Variants in TRIP4 observed in about 807,000 individuals in gnomAD.
TRIP4 encodes the protein activating signal cointegrator 1.
In TRIP4, 54 loss-of-function variants were observed where a neutral mutation model predicts 81.8. The ratio of observed to expected loss-of-function variants is 0.66; its 90% CI spans 0.53 to 0.83. The LOEUF (loss-of-function observed/expected upper bound fraction) is 0.83. Ranked by LOEUF, TRIP4 falls within the 40% of genes least tolerant of loss-of-function variation. TRIP4 has a pLI of 0.00. For missense variants in TRIP4, 662 were observed against 683.6 expected (o/e 0.97, Z 0.35); for synonymous variants, 270 against 242.8 (o/e 1.11, Z -1.04).
chr15:64,453,618 A>G (rs1044201695), intron 12 of TRIP4, among the ~76,000 whole-genome samples: 7 of 152,230 alleles, frequency 4.6e-5, no homozygotes, highest in Admixed American at 2.0e-4. Flanking sequence ...ATTAAAATCA[A>G]CAGCATTGTG....
chr15:64,418,747 C>A lies in TRIP4; in HGVS notation c.1358+19C>A. The A allele has an allele frequency of 1.9e-6, 3 of 1,592,112 alleles. No homozygotes were observed. Among genetic ancestry groups the A allele is most frequent in the Non-Finnish European group, 2.6e-6 (3 of 1,170,598 alleles). ...TTAAAAGGTAAGAATAAAAATGAATCTGGGCAGTGGAAGATCTTAGAGTGA... is the reference window on the plus strand; with the variant it reads ...TTAAAAGGTAAGAATAAAAATGAATATGGGCAGTGGAAGATCTTAGAGTGA... On this transcript the variant is annotated intron_variant, in intron 9 of 12. Transcript: ENST00000261884.
chr15:64,400,327 C>G (rs1891465234), intron 4 of TRIP4, among the ~76,000 whole-genome samples: 1 of 150,330 alleles, frequency 6.7e-6, no homozygotes, highest in African/African-American at 2.4e-5. Flanking sequence ...CACACACCAC[C>G]ACGCCAGGCT....
intron 11 of TRIP4, among the ~76,000 whole-genome samples, chr15:64,438,510 G>A (rs970042858): frequency 6.6e-6 from 1 of 152,102 alleles, no homozygotes; most frequent in South Asian, 2.1e-4. Context: ...GTAGAGACAG[G>A]GTTTCTCCAT....
rs1398484527 is a variant in TRIP4, at chr15:64,409,821, C to A, written c.1036C>A (p.His346Asn). Reference protein sequence around the residue: ...LEEENSLAEYHSRLDETIQAI... With the variant: ...LEEENSLAEYNSRLDETIQAI... ...AGAAGAAAATTCACTAGCAGAGTAT[C>A]ATAGCAGGTAAGTGAGCAGCACTAG... Residue 346 changes from histidine to asparagine, a missense_variant, in exon 7 of 13, where the codon CAT becomes AAT. Transcript: ENST00000261884. The A allele has an allele frequency of 6.2e-7, 1 of 1,613,788 alleles. No individual in the cohort carries two copies. The highest frequency in any genetic ancestry group is 8.5e-7 in the Non-Finnish European group (1 of 1,179,952).
At chr15:64,452,997 C>T (rs574580932) in intron 12 of TRIP4, among the ~76,000 whole-genome samples, 2 of 151,996 alleles carry the variant, frequency 1.3e-5, no homozygotes, top group Non-Finnish European at 2.9e-5. Context: ...CCAACTTGGC[C>T]AACGTGGTGA....
At chr15:64,447,436 A>G (rs1460723027) in intron 12 of TRIP4, among the ~76,000 whole-genome samples, 1 of 152,228 alleles carries the variant, frequency 6.6e-6, no homozygotes, top group Non-Finnish European at 1.5e-5. Context: ...AGGTTCCTCA[A>G]TCCTGCTCTC....
At chr15:64,397,543 C>A in intron 3 of TRIP4, 63 bp from the exon 4 acceptor site, 1 of 1,541,478 alleles carries the variant, frequency 6.5e-7, no homozygotes, top group Admixed American at 1.8e-5. Flanking sequence ...GGAGCATTTT[C>A]TCCCTTGACT....
chr15:64,442,578 C>A (rs1213615445), intron 11 of TRIP4, among the ~76,000 whole-genome samples: 1 of 150,808 alleles, frequency 6.6e-6, no homozygotes, highest in African/African-American at 2.4e-5. Flanking sequence ...AGCCACCGCA[C>A]CTAGCCAGAG....
At chr15:64,429,793 C>T (rs1360183933) in intron 11 of TRIP4, among the ~76,000 whole-genome samples, 1 of 152,154 alleles carries the variant, frequency 6.6e-6, no homozygotes, top group Non-Finnish European at 1.5e-5. Flanking sequence ...GCCTTCCCTT[C>T]AGTATCTCCA....
chr15:64,451,776 CTT>C (rs1035021787), intron 12 of TRIP4, among the ~76,000 whole-genome samples: 1 of 151,154 alleles, frequency 6.6e-6, no homozygotes, highest in African/African-American at 2.4e-5. Context: ...GCCTCAGCCT[CTT>C]GAGTAGCTGG....
Position 64,422,499 on chromosome 15 carries a change from G to T in TRIP4, c.1359-1532G>T, listed in dbSNP as rs561943517. On this transcript the variant is annotated intron_variant, in intron 9 of 12. Transcript: ENST00000261884. Reference sequence around the variant, plus strand: ...GGTTTCCTTGCTTTGGCTCCTAATTGTTTCATAGTTCATGTCTGTAAACGC... The same window carrying T: ...GGTTTCCTTGCTTTGGCTCCTAATTTTTTCATAGTTCATGTCTGTAAACGC... Among the ~76,000 whole-genome samples the T allele has an allele frequency of 2.6e-5, 4 of 152,228 alleles. No individual in the cohort carries two copies. The South Asian group carries it at 6.2e-4, about 24-fold the overall frequency.
chr15:64,435,303 C>T (rs749213349), intron 11 of TRIP4, among the ~76,000 whole-genome samples: 7 of 149,204 alleles, frequency 4.7e-5, no homozygotes, highest in Admixed American at 1.3e-4. Context: ...GGGCAGATCA[C>T]GAGGTCAGGA....
At chr15:64,439,864 C>G (rs753422722) in intron 11 of TRIP4, among the ~76,000 whole-genome samples, 79 of 151,774 alleles carry the variant, frequency 5.2e-4, no homozygotes, top group Non-Finnish European at 8.5e-4. Flanking sequence ...ATAAGATTTA[C>G]AGATCATCTG....
chr15:64,412,649 A>ATTATG (rs1424256634), intron 7 of TRIP4, among the ~76,000 whole-genome samples: 1 of 151,204 alleles, frequency 6.6e-6, no homozygotes, highest in Non-Finnish European at 1.5e-5. Flanking sequence ...ACAAACATAT[A>ATTATG]TTGAATTGAA....
chr15:64,393,788 G>A, intron 1 of TRIP4, 158 bp from the exon 2 acceptor site: 1 of 561,782 alleles, frequency 1.8e-6, no homozygotes, highest in Non-Finnish European at 2.8e-6. Flanking sequence ...TACCAGTTAG[G>A]ATCGTATCGT....
In TRIP4 at chr15:64,419,745, G is replaced by A. The variant is rs748312405; in HGVS notation, c.1358+1017G>A. 1.3e-4 allele frequency among the ~76,000 whole-genome samples: 20 copies of A among 152,288 alleles called. 1 individual carries two copies. The highest frequency in any genetic ancestry group is 3.4e-3 in the Middle Eastern group (1 of 294). ...ATGGAAAACTGTAAAGCACAGAAAAGTAGCTAGAAAAAGAAAGATTACCTA... is the reference window on the plus strand; with the variant it reads ...ATGGAAAACTGTAAAGCACAGAAAAATAGCTAGAAAAAGAAAGATTACCTA... On this transcript the variant is annotated intron_variant, in intron 9 of 12. Transcript: ENST00000261884.
chr15:64,450,313 C>T (rs1039484315), intron 12 of TRIP4, among the ~76,000 whole-genome samples: 3 of 145,502 alleles, frequency 2.1e-5, no homozygotes, highest in East Asian at 2.2e-4. Context: ...GGCGTGAACC[C>T]GGGAGGCGGA....
At chr15:64,390,242 A>G (rs117449187) in intron 1 of TRIP4, among the ~76,000 whole-genome samples, 3,809 of 151,340 alleles carry the variant, frequency 0.025, 73 homozygotes, top group South Asian at 0.061. Flanking sequence ...CAGATGGATC[A>G]TTTGAGGTCA....
chr15:64,399,569 C>T (rs1891440953), intron 4 of TRIP4, among the ~76,000 whole-genome samples: 1 of 152,040 alleles, frequency 6.6e-6, no homozygotes, highest in African/African-American at 2.4e-5. Context: ...TGCAGTGGCT[C>T]ACTGCAACTT....
Sources: gnomAD v4.1 joint callset for allele counts (sites outside exome capture counted in the v4.1 genomes callset) on GRCh38, gnomAD v4.1.1 for gene constraint, MANE v1.5 for transcripts, NCBI Gene and HGNC (gene_info 2026-07-23, HGNC 2026-07-21) for gene names.